RARS2: variants seen among roughly 807,000 people sequenced by gnomAD.
The protein encoded by RARS2 is arginyl-tRNA synthetase 2, mitochondrial.
RARS2 carries 67 observed loss-of-function variants against 88.5 expected under a neutral mutation model. The observed-to-expected ratio is 0.76, with a 90% confidence interval of 0.62 to 0.93. The LOEUF (loss-of-function observed/expected upper bound fraction) is 0.93. RARS2 is among the 40% of genes least tolerant of loss of function. The pLI is 0.00. For missense variants in RARS2, 664 were observed against 684.2 expected, an observed-to-expected ratio of 0.97 and a Z score of 0.33; for synonymous variants, 239 against 230.3, an observed-to-expected ratio of 1.04 and a Z score of -0.34.
chr6:87,546,858 A>G (rs752583312), intron 6 of RARS2, among the ~76,000 whole-genome samples: 43 of 152,206 alleles, frequency 2.8e-4, no homozygotes, highest in Non-Finnish European at 5.0e-4. Context: ...CCCAATCTAT[A>G]AAGTCCCTGC....
intron 8 of RARS2, among the ~76,000 whole-genome samples, chr6:87,539,055 A>C (rs566598659): frequency 3.6e-4 from 54 of 151,960 alleles, no homozygotes; most frequent in African/African-American, 1.3e-3. Context: ...TAAATAAATA[A>C]ATGAATAAAT....
intron 11 of RARS2, among the ~76,000 whole-genome samples, chr6:87,522,423 CAT>C (rs1344357302): frequency 6.7e-6 from 1 of 149,644 alleles, no homozygotes; most frequent in Non-Finnish European, 1.5e-5. Context: ...ATCTAGTTTG[CAT>C]ATGAAATAAT....
chr6:87,589,635 T>C (rs1250095432), intron 1 of RARS2: 3 of 980,104 alleles, frequency 3.1e-6, no homozygotes, highest in African/African-American at 3.5e-5. Context: ...GTCTAATGAC[T>C]TGCCGCCACC....
intron 5 of RARS2, among the ~76,000 whole-genome samples, chr6:87,550,957 C>G (rs1235867298): frequency 2.0e-5 from 3 of 151,944 alleles, no homozygotes; most frequent in Admixed American, 1.3e-4. Context: ...AAGAGCTTTC[C>G]TTTTCATTAA....
At chr6:87,576,012 C>A (rs886418659) in intron 1 of RARS2, among the ~76,000 whole-genome samples, 12 of 151,552 alleles carry the variant, frequency 7.9e-5, no homozygotes, top group African/African-American at 2.9e-4. Context: ...GTTGGCCAGA[C>A]TAGTCTCGAA....
rs993900284 is a variant in RARS2, at chr6:87,514,243, G to A, written c.*170C>T. 8.6e-6 allele frequency: 4 copies of A among 466,172 alleles called. No individual in the cohort carries two copies. The highest frequency in any genetic ancestry group is 1.6e-5 in the Non-Finnish European group (4 of 254,886). The allele number at this position is 466,172 out of a possible 1,614,324, so 28.9% of individuals were successfully genotyped here. ...GGAGAATTGCTTGAACCTGGGAGGT[G>A]GAGGTTGCAGTGAGCCAACATCACA... On this transcript the variant is annotated 3_prime_UTR_variant, in exon 20 of 20. Transcript: ENST00000369536.
rs764306679 is a variant in RARS2 at position 87,519,605 on chromosome 6, T to G, written c.1215A>C (p.Leu405=). 4 of 1,612,834 alleles carry G rather than the reference T, an allele frequency of 2.5e-6. No homozygotes were observed. The Admixed American group carries it at 5.0e-5, about 20-fold the overall frequency. The stretch of plus-strand genomic sequence containing the variant: ...CACTCTTAATTGAAGCCATGTTCTG[T>G]AGCATCCTTAATTGAATCTCATTTA... The part of the protein sequence containing the change: ...DVLNEIQLRM[L]QNMASIKTTK... Residue 405 remains leucine, a synonymous_variant, in exon 14 of 20, where the codon CTA becomes CTC. Coordinates refer to ENST00000369536, the MANE Select transcript of RARS2 (RefSeq NM_020320.5).
chr6:87,549,931 A>G (rs77723414), intron 5 of RARS2, among the ~76,000 whole-genome samples: 4,145 of 152,284 alleles, frequency 0.027, 175 homozygotes, highest in African/African-American at 0.094. Context: ...TGAAAATCTC[A>G]TAAGTTTTTC....
intron 4 of RARS2, among the ~76,000 whole-genome samples, chr6:87,558,912 T>C (rs564663642): frequency 4.5e-4 from 69 of 152,364 alleles, no homozygotes; most frequent in African/African-American, 1.6e-3. Flanking sequence ...CAGAAGGCAC[T>C]GTCATCATAG....
chr6:87,568,554 T>C (rs1324975103), intron 2 of RARS2, among the ~76,000 whole-genome samples: 1 of 152,196 alleles, frequency 6.6e-6, no homozygotes, highest in Non-Finnish European at 1.5e-5. Context: ...GAATGTCATT[T>C]ATAGATTTTA....
In RARS2 at chr6:87,537,681, A is replaced by T. The variant is rs553711609; in HGVS notation, c.612+4237T>A. ...CTCAAAGAGCTCACTACTAACTACA[A>T]CTTGATATGGAAAAAAAACAAGGGT... is the stretch of plus-strand genomic sequence containing the variant. On this transcript the variant is annotated intron_variant, in intron 8 of 19. Transcript: ENST00000369536. 2.5e-3 allele frequency among the ~76,000 whole-genome samples: 380 copies of T among 152,274 alleles called. 2 individuals carry two copies. The highest frequency in any genetic ancestry group is 8.8e-3 in the African/African-American group (365 of 41,536).
intron 1 of RARS2, among the ~76,000 whole-genome samples, chr6:87,576,551 CA>C: frequency 1.3e-5 from 2 of 151,088 alleles, no homozygotes; most frequent in African/African-American, 4.9e-5. Flanking sequence ...GCTGGGATTA[CA>C]GGCGTGAGCC....
At chr6:87,517,188 G>T (rs1463763426) in intron 17 of RARS2, among the ~76,000 whole-genome samples, 4 of 147,016 alleles carry the variant, frequency 2.7e-5, no homozygotes, top group Non-Finnish European at 5.9e-5. Context: ...TAAGGCAGAA[G>T]AATCACTTGA....
At chr6:87,588,489 A>C (rs1036323723) in intron 1 of RARS2, among the ~76,000 whole-genome samples, 1 of 152,132 alleles carries the variant, frequency 6.6e-6, no homozygotes, top group Admixed American at 6.5e-5. Flanking sequence ...CTCCAGACTC[A>C]GCCTTTCAAG....
At chr6:87,548,698 G>C in intron 5 of RARS2, 52 bp from the exon 6 acceptor site, 1 of 1,522,020 alleles carries the variant, frequency 6.6e-7, no homozygotes, top group Non-Finnish European at 9.1e-7. Flanking sequence ...AGACTTCTAA[G>C]AATCAACTAG....
chr6:87,572,675 C>G (rs1388420689), intron 1 of RARS2, among the ~76,000 whole-genome samples: 3 of 152,152 alleles, frequency 2.0e-5, no homozygotes, highest in Admixed American at 2.0e-4. Flanking sequence ...AATGGTCCTC[C>G]CACCTCAGCT....
chr6:87,542,121 AAC>A (rs1781189921), intron 7 of RARS2, 127 bp from the exon 8 acceptor site: 5 of 724,476 alleles, frequency 6.9e-6, no homozygotes, highest in Non-Finnish European at 4.8e-6. Context: ...AGTATTACAA[AAC>A]ACACTTTTAC....
chr6:87,566,650 G>C (rs908860591), intron 2 of RARS2, among the ~76,000 whole-genome samples: 2 of 151,760 alleles, frequency 1.3e-5, no homozygotes, highest in Non-Finnish European at 2.9e-5. Context: ...TTCAAGACTA[G>C]CCTGGGCAAT....
intron 8 of RARS2, among the ~76,000 whole-genome samples, chr6:87,535,973 C>G (rs1041600472): frequency 6.6e-6 from 1 of 152,058 alleles, no homozygotes; most frequent in African/African-American, 2.4e-5. Context: ...GTGTGAGCCA[C>G]TGCACCTGGC....
Sources: allele counts gnomAD v4.1 joint callset (sites outside exome capture counted in the v4.1 genomes callset), GRCh38; gene constraint gnomAD v4.1.1; transcripts MANE v1.5; gene names NCBI Gene and HGNC (gene_info 2026-07-23, HGNC 2026-07-21).